BTNL8: variants seen among roughly 807,000 people sequenced by gnomAD.
BTNL8 encodes butyrophilin like 8, also known as butyrophilin-like protein 8.
BTNL8 carries 22 observed loss-of-function variants against 36.1 expected under a neutral mutation model. The ratio of observed to expected loss-of-function variants is 0.61; its 90% CI spans 0.44 to 0.87. The LOEUF (loss-of-function observed/expected upper bound fraction) is 0.87. Ranked by LOEUF, BTNL8 falls within the 40% of genes least tolerant of loss-of-function variation. The pLI is 0.00. For synonymous variants in BTNL8, 203 were observed against 235.6 expected (o/e 0.86, Z 1.27); for missense variants, 526 against 616.9 (o/e 0.85, Z 1.56).
intron 4 of BTNL8, 129 bp downstream of exon 4, chr5:180,947,754 A>C (rs1243481396): frequency 3.1e-6 from 5 of 1,613,764 alleles, no homozygotes; most frequent in Non-Finnish European, 4.2e-6. Context: ...AGGCCCAAAA[A>C]AGTAATCATC....
rs150375748 is a variant in BTNL8 at position 180,931,634 on chromosome 5, C to T, written c.674-15878C>T. On this transcript the variant is annotated intron_variant, in intron 3 of 7. Coordinates refer to ENST00000340184, the MANE Select transcript of BTNL8 (RefSeq NM_001040462.3). ...CAAGAAAAAAAACAAACAATGCCAT[C>T]GAAAAGTGGGGGAAGGATATGAACA... 1.3e-3 allele frequency among the ~76,000 whole-genome samples: 199 copies of T among 151,986 alleles called. 2 individuals carry two copies. The East Asian group carries it at 0.034, about 26-fold the overall frequency.
intron 3 of BTNL8, among the ~76,000 whole-genome samples, chr5:180,930,179 G>A (rs2387712): frequency 0.45 from 68,170 of 152,016 alleles, 16,366 homozygotes; most frequent in African/African-American, 0.63. Flanking sequence ...ATTAATAAAC[G>A]TAATCCATCA....
chr5:180,928,478 T>C (rs190498925), intron 3 of BTNL8, among the ~76,000 whole-genome samples: 2 of 152,246 alleles, frequency 1.3e-5, no homozygotes, highest in East Asian at 3.9e-4. Context: ...TAACCTTAAA[T>C]GTAAATAGGC....
In BTNL8 at chr5:180,911,388, C is replaced by T. The variant is rs1757386723; in HGVS notation, c.447C>T (p.Asp149=). Residue 149 remains aspartate (D), a synonymous_variant, in exon 3 of 8, where the codon GAC becomes GAT. Coordinates refer to ENST00000340184, the MANE Select transcript of BTNL8 (RefSeq NM_001040462.3). ...LISITGYVDR[D]IQLLCQSSGW... is the part of the protein sequence containing the mutation. ...CCATCACGGGATATGTTGATAGAGA[C>T]ATCCAGCTACTCTGTCAGTCCTCGG... 6.2e-7 allele frequency: 1 copy of T among 1,614,034 alleles called. No individual in the cohort carries two copies. Among genetic ancestry groups the T allele is most frequent in the Non-Finnish European group, 8.5e-7 (1 of 1,180,012 alleles).
intron 1 of BTNL8, among the ~76,000 whole-genome samples, chr5:180,907,944 A>T (rs1757174264): frequency 1.3e-5 from 2 of 152,084 alleles, no homozygotes; most frequent in Admixed American, 6.5e-5. Context: ...GGGACATTTA[A>T]GTCTGCAGAG....
chr5:180,927,571 C>T (rs1353885667), intron 3 of BTNL8, among the ~76,000 whole-genome samples: 1 of 152,010 alleles, frequency 6.6e-6, no homozygotes, highest in Admixed American at 6.5e-5. Flanking sequence ...TGCAAGGAAG[C>T]TAAGAACCTT....
rs200621852 is a variant in BTNL8, at chr5:180,950,516, C to T, written c.1475C>T (p.Thr492Met). 393 of 1,463,130 alleles carry T rather than the reference C, an allele frequency of 2.7e-4. 97 individuals carry two copies. The highest frequency in any genetic ancestry group is 3.4e-4 in the Non-Finnish European group (360 of 1,059,214). 90.6% of individuals were successfully genotyped at this position (1,463,130 alleles called of 1,614,324 possible). A position where few individuals can be genotyped will look rare whatever the true frequency, so the allele number is the denominator to read the frequency against. The part of the protein sequence containing the change: ...SNSESSSQAT[T>M]PFLPRGEM ...AGTGAGTCCTCCTCACAGGCAACCA[C>T]GCCCTTCCTCCCCAGGGGTGAAATG... Residue 492 changes from threonine to methionine, a missense_variant, in exon 8 of 8, where the codon ACG (threonine) becomes ATG (methionine). Around this residue, in one of 2 missense-constraint regions of BTNL8, gnomAD observed 176 missense variants for 292.3 expected, o/e 0.60. Transcript: ENST00000340184.
Position 180,950,245 on chromosome 5 carries a change from A to T in BTNL8, c.1204A>T (p.Thr402Ser). ...CCGTTTTATCAGCGTCTTCCCCAGG[A>T]CCCCACCTACAAAAATAGGGGTCTT... The part of the protein sequence containing the change: ...NPRFISVFPR[T>S]PPTKIGVFLD... The change falls in exon 8 of 8, where the codon ACC becomes TCC. Residue 402 changes from threonine (T) to serine (S), a missense_variant. Transcript: ENST00000340184. 6.8e-7 allele frequency: 1 copy of T among 1,462,988 alleles called. No homozygotes were observed. Among genetic ancestry groups the T allele is most frequent in the African/African-American group, 1.4e-5 (1 of 72,398 alleles). 90.6% of individuals were successfully genotyped at this position (1,462,988 alleles called of 1,614,324 possible).
At chr5:180,927,588 A>C (rs1216647302) in intron 3 of BTNL8, among the ~76,000 whole-genome samples, 2 of 152,208 alleles carry the variant, frequency 1.3e-5, no homozygotes, top group Non-Finnish European at 2.9e-5. Context: ...CCTTGAAAAA[A>C]GGTTAGAGGA....
rs533827193 is a variant in BTNL8, at chr5:180,906,115, A to C, written c.50-2471A>C. ...TCTCGTTGATCTATCTAATGTTGAC[A>C]GTGGGGTGTTAAAGTCTCCCATTAT... On this transcript the variant is annotated intron_variant, in intron 1 of 7. Coordinates refer to ENST00000340184, the MANE Select transcript of BTNL8 (RefSeq NM_001040462.3). Among the ~76,000 whole-genome samples, 36 of 142,594 alleles carry C rather than the reference A, an allele frequency of 2.5e-4. No individual in the cohort carries two copies. The South Asian group carries it at 7.4e-3, about 29-fold the overall frequency. The allele number at this position is 142,594 out of a possible 152,430, so 93.5% of individuals were successfully genotyped here. A position where few individuals can be genotyped will look rare whatever the true frequency, so the allele number is the denominator to read the frequency against.
chr5:180,900,807 G>A (rs1756793167), intron 1 of BTNL8, among the ~76,000 whole-genome samples: 1 of 152,228 alleles, frequency 6.6e-6, no homozygotes, highest in South Asian at 2.1e-4. Flanking sequence ...CAGTCCCACT[G>A]GGACCTTTGG....
intron 4 of BTNL8, chr5:180,947,915 T>C: frequency 9.4e-7 from 1 of 1,061,338 alleles, no homozygotes; most frequent in Non-Finnish European, 1.4e-6. Context: ...CCACCAAGAC[T>C]CCTATTAAAA....
chr5:180,915,600 A>G (rs4701005), intron 3 of BTNL8, among the ~76,000 whole-genome samples: 68,179 of 152,086 alleles, frequency 0.45, 16,368 homozygotes, highest in African/African-American at 0.63. Context: ...TTTGTCTACC[A>G]AAGTCTGCCA....
chr5:180,945,698 G>T, intron 3 of BTNL8: 1 of 354,896 alleles, frequency 2.8e-6, no homozygotes. Context: ...GGACAACAGG[G>T]AGAGTGTAGG....
At chr5:180,934,948 T>G (rs1435037524) in intron 3 of BTNL8, among the ~76,000 whole-genome samples, 4 of 151,232 alleles carry the variant, frequency 2.6e-5, no homozygotes, top group Non-Finnish European at 5.9e-5. Flanking sequence ...AACTGGAGGG[T>G]AAGGCAGTGA....
intron 2 of BTNL8, 68 bp downstream of exon 2, chr5:180,909,001 A>C (rs1757257207): frequency 3.4e-6 from 5 of 1,477,102 alleles, no homozygotes; most frequent in South Asian, 1.3e-5. Flanking sequence ...TGTTTTTTTC[A>C]ATAAGGAAAT....
In BTNL8 at chr5:180,908,876, T is replaced by C. The variant is rs1582013979; in HGVS notation, c.340T>C (p.Cys114Arg). Residue 114 changes from cysteine to arginine, a missense_variant, in exon 2 of 8, where the codon TGC (cysteine) becomes CGC (arginine). Around this residue, in one of 2 missense-constraint regions of BTNL8, gnomAD observed 350 missense variants for 324.6 expected, o/e 1.08. Coordinates refer to ENST00000340184, the MANE Select transcript of BTNL8 (RefSeq NM_001040462.3). Reference protein sequence around the residue: ...ITVLDAGLYGCRISSQSYYQK... With the variant: ...ITVLDAGLYGRRISSQSYYQK... ...TGTGTTGGATGCTGGCCTCTATGGGTGCAGGATTAGTTCCCAGTCTTACTA... is the reference window on the plus strand; with the variant it reads ...TGTGTTGGATGCTGGCCTCTATGGGCGCAGGATTAGTTCCCAGTCTTACTA... 1.2e-6 allele frequency: 2 copies of C among 1,614,178 alleles called. No homozygotes were observed. Among genetic ancestry groups the C allele is most frequent in the Non-Finnish European group, 1.7e-6 (2 of 1,180,016 alleles).
At chr5:180,920,331 A>G (rs1366404100) in intron 3 of BTNL8, among the ~76,000 whole-genome samples, 1 of 152,142 alleles carries the variant, frequency 6.6e-6, no homozygotes, top group East Asian at 1.9e-4. Flanking sequence ...ATTACCAAGA[A>G]TACAAAATGG....
intron 1 of BTNL8, among the ~76,000 whole-genome samples, chr5:180,902,587 C>T (rs560459718): frequency 6.6e-6 from 1 of 151,310 alleles, no homozygotes; most frequent in Non-Finnish European, 1.5e-5. Context: ...AGGTTAGTTA[C>T]ATATGTATAC....
Sources: gnomAD v4.1 joint callset for allele counts (sites outside exome capture counted in the v4.1 genomes callset) on GRCh38, gnomAD v4.1.1 for gene constraint, gnomAD v4.1.1 regional missense constraint, MANE v1.5 for transcripts, NCBI Gene and HGNC (gene_info 2026-07-23, HGNC 2026-07-21) for gene names.